The following DLGAP2 variants were observed in gnomAD, a reference collection of about 807,000 sequenced individuals.
DLGAP2 encodes the protein disks large-associated protein 2.
Under a neutral mutation model 100.3 loss-of-function variants are expected in DLGAP2, and 26 were observed. The ratio of observed to expected loss-of-function variants is 0.26; its 90% CI spans 0.19 to 0.36. The LOEUF (loss-of-function observed/expected upper bound fraction) is 0.36, where lower values mean the gene tolerates loss of function less well. Ranked by LOEUF, DLGAP2 falls within the 10% of genes least tolerant of loss-of-function variation. The probability of loss-of-function intolerance (pLI) is 1.00; values close to 1 mark genes in which losing one functional copy is unlikely to be tolerated. For synonymous variants in DLGAP2, 886 were observed against 630.1 expected (o/e 1.41, Z -6.08); for missense variants, 1,858 against 1,453.2 (o/e 1.28, Z -4.53).
intron 2 of DLGAP2, among the ~76,000 whole-genome samples, chr8:1,251,715 A>G (rs1239439757): frequency 6.6e-6 from 1 of 152,204 alleles, no homozygotes; most frequent in African/African-American, 2.4e-5. Flanking sequence ...CATGTCATAC[A>G]GCCATGTGGC....
chr8:1,409,070 C>T (rs148465034), intron 3 of DLGAP2, among the ~76,000 whole-genome samples: 167 of 152,310 alleles, frequency 1.1e-3, no homozygotes, highest in African/African-American at 3.6e-3. Flanking sequence ...CCCTTCCTCA[C>T]TGTAGCAGGC....
chr8:1,278,334 G>A (rs1275466804), intron 3 of DLGAP2, among the ~76,000 whole-genome samples: 1 of 152,172 alleles, frequency 6.6e-6, no homozygotes, highest in East Asian at 1.9e-4. Context: ...TGACTTGAAA[G>A]AGCCTCAGCT....
chr8:1,520,724 C>T (rs1446969958), intron 4 of DLGAP2, among the ~76,000 whole-genome samples: 1 of 152,182 alleles, frequency 6.6e-6, no homozygotes, highest in East Asian at 1.9e-4. Context: ...CATTTTAGCA[C>T]TGAATAATAT....
chr8:845,599 C>G (rs1338478254), intron 1 of DLGAP2, among the ~76,000 whole-genome samples: 1 of 152,166 alleles, frequency 6.6e-6, no homozygotes, highest in East Asian at 1.9e-4. Context: ...TCTTCCCATT[C>G]TATAGGGTGT....
intron 3 of DLGAP2, among the ~76,000 whole-genome samples, chr8:1,500,417 G>T (rs1311564251): frequency 6.6e-6 from 1 of 152,170 alleles, no homozygotes; most frequent in Non-Finnish European, 1.5e-5. Flanking sequence ...TGCCTCTGCA[G>T]CCAGGTAGAA....
chr8:865,228 T>G (rs1797471997), intron 1 of DLGAP2, among the ~76,000 whole-genome samples: 1 of 152,232 alleles, frequency 6.6e-6, no homozygotes, highest in Non-Finnish European at 1.5e-5. Flanking sequence ...GATTGATGTA[T>G]GGAAATTTCC....
At chr8:1,192,119 C>T (rs767671897) in intron 2 of DLGAP2, among the ~76,000 whole-genome samples, 2 of 152,092 alleles carry the variant, frequency 1.3e-5, no homozygotes, top group Admixed American at 1.3e-4. Context: ...TGGCTTTCTC[C>T]TCTCGTACGT....
At chr8:1,040,339 G>A (rs539715426) in intron 2 of DLGAP2, among the ~76,000 whole-genome samples, 136 of 147,636 alleles carry the variant, frequency 9.2e-4, no homozygotes, top group African/African-American at 3.3e-3. Context: ...TGGTCAGCTC[G>A]GTGTGCGTGG....
chr8:945,058 C>G (rs975106158), intron 2 of DLGAP2, among the ~76,000 whole-genome samples: 1 of 152,168 alleles, frequency 6.6e-6, no homozygotes, highest in African/African-American at 2.4e-5. Context: ...TCTTTCCACC[C>G]CAATTTCTGT....
At chr8:919,483 C>A (rs1464325909) in intron 2 of DLGAP2, among the ~76,000 whole-genome samples, 1 of 152,098 alleles carries the variant, frequency 6.6e-6, no homozygotes, top group South Asian at 2.1e-4. Flanking sequence ...CTGATGAGCT[C>A]CAAGGAAAGG....
intron 3 of DLGAP2, among the ~76,000 whole-genome samples, chr8:1,470,890 CCCCTCCAGCCTT>C (rs1490947129): frequency 1.8e-3 from 37 of 20,816 alleles, no homozygotes; most frequent in African/African-American, 4.2e-3. Context: ...CCTTTCCCGA[CCCCTCCAGCCTT>C]TCCCGACCCC....
At chr8:1,364,502 C>CGGGGGG (rs139560352) in intron 3 of DLGAP2, among the ~76,000 whole-genome samples, 19 of 141,584 alleles carry the variant, frequency 1.3e-4, no homozygotes, top group African/African-American at 4.8e-4. Flanking sequence ...ATGGGAAGGG[C>CGGGGGG]GGGGGGGGTG....
intron 1 of DLGAP2, among the ~76,000 whole-genome samples, chr8:745,510 C>G (rs1209251179): frequency 1.3e-5 from 2 of 152,334 alleles, no homozygotes; most frequent in East Asian, 3.9e-4. Context: ...ATGATATTTT[C>G]TCAAGAGTCG....
At chr8:1,674,635 G>C (rs1303321266) in intron 10 of DLGAP2, among the ~76,000 whole-genome samples, 1 of 152,076 alleles carries the variant, frequency 6.6e-6, no homozygotes, top group Non-Finnish European at 1.5e-5. Flanking sequence ...TATCAGATTT[G>C]GCAATATCTA....
chr8:1,101,079 G>C (rs1002044698), intron 2 of DLGAP2, among the ~76,000 whole-genome samples: 1 of 152,186 alleles, frequency 6.6e-6, no homozygotes, highest in South Asian at 2.1e-4. Context: ...TACTCCTCAG[G>C]GGCTAGAAGG....
chr8:957,308 C>T (rs767332516), intron 2 of DLGAP2, among the ~76,000 whole-genome samples: 1 of 152,184 alleles, frequency 6.6e-6, no homozygotes, highest in Non-Finnish European at 1.5e-5. Context: ...GGAAGAGGAG[C>T]CAGGGAAACC....
chr8:852,759 C>T lies in DLGAP2; in HGVS notation c.19-55153C>T, dbSNP rs75178045. ...CAGCAAGGCTGAGTGCATTCTCGGG[C>T]GAGTGTTTCCTTGGGAAATCTAAGT... On this transcript the variant is annotated intron_variant, in intron 1 of 14. Coordinates refer to ENST00000637795, the MANE Select transcript of DLGAP2 (RefSeq NM_001346810.2). Among the ~76,000 whole-genome samples the T allele has an allele frequency of 5.7e-3, 865 of 152,280 alleles. 4 individuals carry two copies. Among genetic ancestry groups the T allele is most frequent in the South Asian group, 9.3e-3 (45 of 4,816 alleles).
chr8:1,686,242 G>A (rs1166310111), intron 12 of DLGAP2, among the ~76,000 whole-genome samples: 1 of 152,212 alleles, frequency 6.6e-6, no homozygotes, highest in Admixed American at 6.5e-5. Context: ...AATATTCACA[G>A]TGGAATATTA....
At chr8:1,465,033 C>G (rs1038514031) in intron 3 of DLGAP2, among the ~76,000 whole-genome samples, 2 of 152,252 alleles carry the variant, frequency 1.3e-5, no homozygotes, top group African/African-American at 2.4e-5. Context: ...TTCTCCCCAC[C>G]ACCCAGCAGG....
Sources: allele counts gnomAD v4.1 joint callset (sites outside exome capture counted in the v4.1 genomes callset), GRCh38; gene constraint gnomAD v4.1.1; transcripts MANE v1.5; gene names NCBI Gene and HGNC (gene_info 2026-07-23, HGNC 2026-07-21).